The following MIB1 variants were observed in gnomAD, a reference collection of about 807,000 sequenced individuals.
The protein encoded by MIB1 is MIB E3 ubiquitin protein ligase 1, also known as E3 ubiquitin-protein ligase MIB1.
MIB1 carries 278 observed loss-of-function variants against 124.5 expected under a neutral mutation model. The ratio of observed to expected loss-of-function variants is 2.23; its 90% CI spans 2.02 to 2.47. The LOEUF (loss-of-function observed/expected upper bound fraction) is 2.47, where lower values mean the gene tolerates loss of function less well. Ranked by LOEUF, MIB1 falls within the 30% of genes most tolerant of loss-of-function variation. The pLI is 0.00. For synonymous variants in MIB1, 446 were observed against 429.4 expected (o/e 1.04, Z -0.48); for missense variants, 957 against 1,254.4 (o/e 0.76, Z 3.58).
chr18:21,781,308 A>G (rs975054305), intron 6 of MIB1, among the ~76,000 whole-genome samples: 3 of 137,638 alleles, frequency 2.2e-5, no homozygotes, highest in African/African-American at 8.0e-5. Flanking sequence ...CTTTTCTCTG[A>G]TGGGAGATAT....
intron 13 of MIB1, among the ~76,000 whole-genome samples, chr18:21,839,883 CG>C (rs2042066827): frequency 2.0e-5 from 3 of 152,036 alleles, no homozygotes. Flanking sequence ...CAGCTTTTTG[CG>C]GATGTTATTA....
In MIB1 at chr18:21,722,259, T is replaced by G. The variant is rs1175959013; in HGVS notation, n.167+17136T>G. ...TTAGTAGAGATAGCGTTTCACCATG[T>G]TGGCCAGGCTGATCTCGAACTCCTG... On this transcript the variant is annotated intron_variant and non_coding_transcript_variant, in intron 1 of 20. Coordinates refer to the MIB1 transcript ENST00000578646. Among the ~76,000 whole-genome samples, 3 of 152,154 alleles carry G rather than the reference T, an allele frequency of 2.0e-5. No homozygotes were observed. The East Asian group carries it at 5.8e-4, about 29-fold the overall frequency.
chr18:21,751,030 C>A (rs1233153549), intron 1 of MIB1, among the ~76,000 whole-genome samples: 2 of 151,832 alleles, frequency 1.3e-5, no homozygotes, highest in African/African-American at 2.4e-5. Flanking sequence ...AACCCCATCT[C>A]TACAAAAAAA....
At chr18:21,759,266 G>T (rs893116117) in intron 1 of MIB1, among the ~76,000 whole-genome samples, 2 of 150,976 alleles carry the variant, frequency 1.3e-5, no homozygotes, top group African/African-American at 2.4e-5. Context: ...TTTTTGAGAC[G>T]GAGTTTGGCT....
chr18:21,770,999 T>G (rs1388898352), intron 3 of MIB1, among the ~76,000 whole-genome samples: 3 of 152,196 alleles, frequency 2.0e-5, no homozygotes, highest in African/African-American at 7.2e-5. Context: ...TTGGCAAACA[T>G]ACCTCATATG....
In MIB1 at chr18:21,865,786, G is replaced by A. The variant is rs552933731; in HGVS notation, c.*1120G>A. 36 of 152,300 alleles carry A rather than the reference G, an allele frequency of 2.4e-4. No homozygotes were observed. Among genetic ancestry groups the A allele is most frequent in the Non-Finnish European group, 2.4e-4 (16 of 67,968 alleles). The allele number at this position is 152,300 out of a possible 1,614,324, so 9.4% of individuals were successfully genotyped here. A position where few individuals can be genotyped will look rare whatever the true frequency, so the allele number is the denominator to read the frequency against. ...AAACAGTCTTTCTGTGTATACCTAC[G>A]GATGAGGGTATTATTTAAACTGCCA... On this transcript the variant is annotated 3_prime_UTR_variant, in exon 21 of 21. Transcript: ENST00000261537.
At chr18:21,754,350 C>T (rs560176321) in intron 1 of MIB1, among the ~76,000 whole-genome samples, 13 of 152,184 alleles carry the variant, frequency 8.5e-5, no homozygotes, top group Non-Finnish European at 1.9e-4. Context: ...ATAAACAATT[C>T]ATACATTTTA....
At chr18:21,789,450 G>A (rs1231616358) in intron 6 of MIB1, among the ~76,000 whole-genome samples, 1 of 151,982 alleles carries the variant, frequency 6.6e-6, no homozygotes, top group Admixed American at 6.6e-5. Context: ...CCTGGATTAG[G>A]ACTTCAGCAT....
At chr18:21,806,026 C>T (rs902187919) in intron 10 of MIB1, among the ~76,000 whole-genome samples, 1 of 151,038 alleles carries the variant, frequency 6.6e-6, no homozygotes, top group Non-Finnish European at 1.5e-5. Context: ...CCTCAGCCTC[C>T]CGAGTAGCTG....
chr18:21,778,747 C>T (rs2041322509), intron 5 of MIB1, among the ~76,000 whole-genome samples: 1 of 152,000 alleles, frequency 6.6e-6, no homozygotes. Flanking sequence ...AATCATTTGA[C>T]TTGCCTTTGT....
intron 1 of MIB1, among the ~76,000 whole-genome samples, chr18:21,717,513 A>G (rs1201046238): frequency 2.6e-5 from 4 of 152,226 alleles, no homozygotes; most frequent in Admixed American, 1.3e-4. Context: ...AAGGACTAAT[A>G]TCCAGAATCT....
chr18:21,837,075 C>T (rs2042040121), intron 12 of MIB1, among the ~76,000 whole-genome samples: 1 of 152,174 alleles, frequency 6.6e-6, no homozygotes, highest in African/African-American at 2.4e-5. Flanking sequence ...TTTTGACATG[C>T]ATTTCTCTGG....
intron 7 of MIB1, among the ~76,000 whole-genome samples, chr18:21,795,991 C>T (rs144347374): frequency 6.6e-6 from 1 of 151,936 alleles, no homozygotes; most frequent in African/African-American, 2.4e-5. Flanking sequence ...AAGTAAAAAC[C>T]CTGTAGTCTT....
chr18:21,767,924 C>G (rs2041181853), intron 2 of MIB1, among the ~76,000 whole-genome samples: 1 of 152,094 alleles, frequency 6.6e-6, no homozygotes, highest in South Asian at 2.1e-4. Flanking sequence ...CCCTGCTCCC[C>G]CCACTGCCCC....
At chr18:21,860,098 C>CTTTT (rs398032096) in intron 20 of MIB1, among the ~76,000 whole-genome samples, 4,584 of 26,428 alleles carry the variant, frequency 0.17, 1,236 homozygotes, top group South Asian at 0.29. Flanking sequence ...TTCTTTATGT[C>CTTTT]TTTTTTTTTT....
chr18:21,783,255 T>C (rs1315945890), intron 6 of MIB1, among the ~76,000 whole-genome samples: 2 of 151,968 alleles, frequency 1.3e-5, no homozygotes, highest in Admixed American at 6.6e-5. Flanking sequence ...TTTTTTTTTT[T>C]TTCTTGAGAT....
At chr18:21,793,494 A>G (rs1309403563) in intron 7 of MIB1, among the ~76,000 whole-genome samples, 1 of 152,170 alleles carries the variant, frequency 6.6e-6, no homozygotes, top group Non-Finnish European at 1.5e-5. Context: ...TAGTGAAAGT[A>G]TATCAGGCCA....
intron 12 of MIB1, among the ~76,000 whole-genome samples, chr18:21,822,446 T>G (rs907234496): frequency 2.0e-5 from 3 of 152,218 alleles, no homozygotes; most frequent in Non-Finnish European, 4.4e-5. Context: ...AACCAGATAT[T>G]TGGTGTCAGG....
intron 6 of MIB1, among the ~76,000 whole-genome samples, chr18:21,790,913 A>G (rs2041494574): frequency 6.6e-6 from 1 of 152,194 alleles, no homozygotes; most frequent in South Asian, 2.1e-4. Context: ...TTAAAATTAT[A>G]AAAAGGAGGT....
Sources: allele counts gnomAD v4.1 joint callset (sites outside exome capture counted in the v4.1 genomes callset), GRCh38; gene constraint gnomAD v4.1.1; transcripts MANE v1.5; gene names NCBI Gene and HGNC (gene_info 2026-07-23, HGNC 2026-07-21).